The following RBFOX1 variants were observed in gnomAD, a reference collection of about 807,000 sequenced individuals.
RBFOX1 encodes RNA binding fox-1 homolog 1.
In RBFOX1, 8 loss-of-function variants were observed where a neutral mutation model predicts 57.7. The ratio of observed to expected loss-of-function variants is 0.14; its 90% CI spans 0.08 to 0.25. The LOEUF is 0.25. RBFOX1 is among the 10% of genes least tolerant of loss of function. The pLI, the probability that RBFOX1 is intolerant of heterozygous loss-of-function variation, is 1.00. For missense variants in RBFOX1, 611 were observed against 548.5 expected (o/e 1.11, Z -1.14); for synonymous variants, 326 against 222.4 (o/e 1.47, Z -4.15).
At chr16:6,063,029 C>T (rs2095708837) in intron 1 of RBFOX1, among the ~76,000 whole-genome samples, 1 of 152,238 alleles carries the variant, frequency 6.6e-6, no homozygotes, top group African/African-American at 2.4e-5. Flanking sequence ...AAGGTAATCT[C>T]CCTGACATAC....
intron 4 of RBFOX1, among the ~76,000 whole-genome samples, chr16:7,168,536 T>A (rs1198592827): frequency 6.6e-6 from 1 of 152,116 alleles, no homozygotes; most frequent in Admixed American, 6.5e-5. Context: ...AACCTTCAAT[T>A]AAGTTGCAGA....
chr16:7,589,139 C>A (rs897588247), intron 7 of RBFOX1, among the ~76,000 whole-genome samples: 1 of 152,198 alleles, frequency 6.6e-6, no homozygotes, highest in African/African-American at 2.4e-5. Flanking sequence ...TCACTCGAGC[C>A]TTCTGTATTC....
chr16:5,989,880 A>ACACACACC (rs33912010), intron 4 of RBFOX1, among the ~76,000 whole-genome samples: 2,319 of 127,258 alleles, frequency 0.018, 93 homozygotes, highest in African/African-American at 0.05. Flanking sequence ...ACACACACAC[A>ACACACACC]CCACCCCTGT....
intron 4 of RBFOX1, among the ~76,000 whole-genome samples, chr16:7,099,330 C>T (rs1245569673): frequency 6.6e-6 from 1 of 152,126 alleles, no homozygotes; most frequent in African/African-American, 2.4e-5. Context: ...GGTGTAAACT[C>T]ATTTTGTACC....
chr16:6,592,240 C>T (rs994660411), intron 2 of RBFOX1, among the ~76,000 whole-genome samples: 2 of 152,168 alleles, frequency 1.3e-5, no homozygotes, highest in African/African-American at 2.4e-5. Flanking sequence ...ATTGGGCTTT[C>T]TTTTGTGTGG....
At chr16:7,590,952 T>C (rs945717239) in intron 7 of RBFOX1, among the ~76,000 whole-genome samples, 4 of 151,314 alleles carry the variant, frequency 2.6e-5, no homozygotes, top group African/African-American at 4.9e-5. Flanking sequence ...GAGCCAACCA[T>C]GAGTAAGACA....
chr16:7,006,267 G>A (rs1353280011), intron 3 of RBFOX1, among the ~76,000 whole-genome samples: 1 of 152,076 alleles, frequency 6.6e-6, no homozygotes, highest in Non-Finnish European at 1.5e-5. Context: ...CGATTCTCCT[G>A]TCTCAGCCTC....
chr16:6,583,828 T>C (rs985204379), intron 2 of RBFOX1, among the ~76,000 whole-genome samples: 3 of 152,190 alleles, frequency 2.0e-5, no homozygotes, highest in African/African-American at 7.2e-5. Context: ...CAGCTTGTTT[T>C]ATTTACTCAT....
At chr16:6,353,254 T>C (rs1324182593) in intron 2 of RBFOX1, among the ~76,000 whole-genome samples, 1 of 152,076 alleles carries the variant, frequency 6.6e-6, no homozygotes, top group Non-Finnish European at 1.5e-5. Context: ...CCATCTGAAA[T>C]GCACTTGGAT....
intron 2 of RBFOX1, among the ~76,000 whole-genome samples, chr16:6,442,394 T>C (rs538980945): frequency 2.0e-5 from 3 of 152,074 alleles, no homozygotes; most frequent in East Asian, 1.9e-4. Flanking sequence ...CTGTCTCTAC[T>C]GAAAATACAA....
At chr16:6,688,056 C>T (rs777468122) in intron 3 of RBFOX1, among the ~76,000 whole-genome samples, 10 of 152,084 alleles carry the variant, frequency 6.6e-5, no homozygotes, top group East Asian at 1.9e-4. Flanking sequence ...CTTGCACTGC[C>T]ATAGACAAAT....
At chr16:6,859,165 GTATATATATGTATATATATGTA>G (rs1304583204) in intron 3 of RBFOX1, among the ~76,000 whole-genome samples, 85 of 53,892 alleles carry the variant, frequency 1.6e-3, no homozygotes, top group African/African-American at 8.4e-3. Context: ...ATATATATAC[GTATATATATGTATATATATGTA>G]TATATATATG....
chr16:6,357,125 G>A (rs1359206917), intron 2 of RBFOX1, among the ~76,000 whole-genome samples: 2 of 151,994 alleles, frequency 1.3e-5, no homozygotes, highest in Non-Finnish European at 2.9e-5. Flanking sequence ...CCTGCTTGCG[G>A]ATTTTATTTT....
chr16:7,096,372 C>G (rs1195336400), intron 4 of RBFOX1, among the ~76,000 whole-genome samples: 3 of 152,092 alleles, frequency 2.0e-5, no homozygotes, highest in South Asian at 2.1e-4. Context: ...CTCAATTTCT[C>G]GGACCTATTT....
chr16:7,078,568 G>A lies in RBFOX1; in HGVS notation c.27+26470G>A, dbSNP rs375333493. ...TTGCCGTGTTGGCCAGGCTGGTCTCGAAACCCTGGCCTCAAGTGATCCACC... is the reference window on the plus strand; with the variant it reads ...TTGCCGTGTTGGCCAGGCTGGTCTCAAAACCCTGGCCTCAAGTGATCCACC... On this transcript the variant is annotated intron_variant, in intron 4 of 15. Coordinates refer to ENST00000550418, the MANE Select transcript of RBFOX1 (RefSeq NM_018723.4). 1.2e-3 allele frequency among the ~76,000 whole-genome samples: 188 copies of A among 152,088 alleles called. 1 individual carries two copies. Among genetic ancestry groups the A allele is most frequent in the African/African-American group, 4.2e-3 (173 of 41,508 alleles).
At chr16:6,154,250 C>G (rs1416258222) in intron 1 of RBFOX1, among the ~76,000 whole-genome samples, 1 of 152,184 alleles carries the variant, frequency 6.6e-6, no homozygotes, top group Non-Finnish European at 1.5e-5. Context: ...CAGGTTGGTA[C>G]AAAAGTAATT....
intron 3 of RBFOX1, among the ~76,000 whole-genome samples, chr16:5,770,598 G>A (rs1037304456): frequency 1.2e-4 from 19 of 152,032 alleles, no homozygotes; most frequent in African/African-American, 4.6e-4. Flanking sequence ...CCATTTTCCT[G>A]TTCTCTGTTG....
At chr16:5,776,070 T>C (rs1341269869) in intron 3 of RBFOX1, among the ~76,000 whole-genome samples, 1 of 152,210 alleles carries the variant, frequency 6.6e-6, no homozygotes, top group Non-Finnish European at 1.5e-5. Flanking sequence ...CTTTCCCCTT[T>C]CATTTTAATT....
At chr16:5,859,161 C>T (rs1006741181) in intron 3 of RBFOX1, among the ~76,000 whole-genome samples, 7 of 152,156 alleles carry the variant, frequency 4.6e-5, no homozygotes, top group South Asian at 4.1e-4. Context: ...GCCGAGATCA[C>T]GCCACGGCAC....
Sources: allele counts gnomAD v4.1 joint callset (sites outside exome capture counted in the v4.1 genomes callset), GRCh38; gene constraint gnomAD v4.1.1; transcripts MANE v1.5; gene names NCBI Gene and HGNC (gene_info 2026-07-23, HGNC 2026-07-21).